Variants in MAPKAPK2 observed in about 807,000 individuals in gnomAD.
MAPKAPK2 encodes the protein MAP kinase-activated protein kinase 2.
Under a neutral mutation model 48.8 loss-of-function variants are expected in MAPKAPK2, and 9 were observed. The observed-to-expected ratio is 0.18, with a 90% CI of 0.11 to 0.32. The LOEUF (loss-of-function observed/expected upper bound fraction) is 0.32, where lower values mean the gene tolerates loss of function less well. Ranked by LOEUF, MAPKAPK2 falls within the 10% of genes least tolerant of loss-of-function variation. The pLI is 1.00. For synonymous variants in MAPKAPK2, 202 were observed against 190.6 expected (o/e 1.06, Z -0.49); for missense variants, 331 against 498.3 (o/e 0.66, Z 3.20).
Position 206,685,310 on chromosome 1 carries a change from CCTG to C in MAPKAPK2, c.83_85del (p.Leu28del). 8.4e-7 allele frequency: 1 copy of C among 1,186,462 alleles called. No individual in the cohort carries two copies. The highest frequency in any genetic ancestry group is 1.1e-6 in the Non-Finnish European group (1 of 875,268). 73.5% of individuals were successfully genotyped at this position (1,186,462 alleles called of 1,614,324 possible). ...CGCCGCCGCAGCCCCCCACCCCTGC[CCTG>C]CCGCACCCCCCGGCGCAGCCGCCGC... On this transcript the variant is annotated inframe_deletion, in exon 1 of 10. Coordinates refer to ENST00000367103, the MANE Select transcript of MAPKAPK2 (RefSeq NM_032960.4).
Position 206,731,015 on chromosome 1 carries a change from A to T in MAPKAPK2, c.768-123A>T. 7.3e-7 allele frequency: 1 copy of T among 1,368,724 alleles called. No individual in the cohort carries two copies. Among genetic ancestry groups the T allele is most frequent in the Non-Finnish European group, 1.0e-6 (1 of 968,680 alleles). The allele number at this position is 1,368,724 out of a possible 1,614,324, so 84.8% of individuals were successfully genotyped here. A position where few individuals can be genotyped will look rare whatever the true frequency, so the allele number is the denominator to read the frequency against. On this transcript the variant is annotated intron_variant, in intron 6 of 9. Transcript: ENST00000367103. This position sits in a 1 kb window ranked among gnomAD's most constrained non-coding sequence, Gnocchi z 5.9. ...TGACTTTGTATATTGTGCCTGTGTC[A>T]ATAAGCCCTGATTTCTCTGTGACCT...
Position 206,731,111 on chromosome 1 carries a change from C to T in MAPKAPK2, c.768-27C>T. 1.9e-6 allele frequency: 3 copies of T among 1,614,158 alleles called. No individual in the cohort carries two copies. In the South Asian group the frequency reaches 3.3e-5, roughly 18 times the overall value. The stretch of plus-strand genomic sequence containing the variant: ...CCACTAAGTGACAGCTGTTCTGTCT[C>T]CCACTTCCTTCCTCCTGTTGATGCA... On this transcript the variant is annotated intron_variant, in intron 6 of 9. Coordinates refer to ENST00000367103, the MANE Select transcript of MAPKAPK2 (RefSeq NM_032960.4). The surrounding 1 kb of genome is among the most constrained non-coding windows in gnomAD (Gnocchi z 5.9).
chr1:206,729,595 C>G (rs1673831850), intron 4 of MAPKAPK2, 120 bp downstream of exon 4: 1 of 863,568 alleles, frequency 1.2e-6, no homozygotes, highest in Non-Finnish European at 1.9e-6. Context: ...CTGAGCATGC[C>G]ATTCTCTGCC....
chr1:206,686,982 A>G (rs1672305107), intron 1 of MAPKAPK2, among the ~76,000 whole-genome samples: 1 of 152,168 alleles, frequency 6.6e-6, no homozygotes, highest in African/African-American at 2.4e-5. Context: ...ACTGAAGGGA[A>G]AGGAGGAGGA....
chr1:206,708,969 A>C (rs996403993), intron 1 of MAPKAPK2, among the ~76,000 whole-genome samples: 8 of 152,140 alleles, frequency 5.3e-5, no homozygotes, highest in Non-Finnish European at 1.0e-4. Flanking sequence ...GATATGATAA[A>C]ATTTGCTTCT....
intron 1 of MAPKAPK2, among the ~76,000 whole-genome samples, chr1:206,716,971 A>G (rs1363809976): frequency 2.6e-5 from 4 of 152,080 alleles, no homozygotes; most frequent in African/African-American, 4.8e-5. Flanking sequence ...TGCCCATTTA[A>G]TTGGTAAGTG....
At chr1:206,694,096 G>A (rs149462318) in intron 1 of MAPKAPK2, among the ~76,000 whole-genome samples, 2 of 152,360 alleles carry the variant, frequency 1.3e-5, no homozygotes, top group African/African-American at 2.4e-5. Context: ...TAGATACTGG[G>A]CAGAGTCTGA....
chr1:206,711,938 A>G (rs192962040), intron 1 of MAPKAPK2, among the ~76,000 whole-genome samples: 1 of 152,274 alleles, frequency 6.6e-6, no homozygotes, highest in Admixed American at 6.5e-5. Context: ...GTCTATTAAC[A>G]GCTGTTTAGT....
chr1:206,722,543 A>T (rs1445795466), intron 1 of MAPKAPK2, among the ~76,000 whole-genome samples: 2 of 152,228 alleles, frequency 1.3e-5, no homozygotes, highest in African/African-American at 4.8e-5. Context: ...AGCTAAAGAA[A>T]ATAAGCATCG....
At chr1:206,687,620 A>G (rs527275414) in intron 1 of MAPKAPK2, among the ~76,000 whole-genome samples, 3 of 152,378 alleles carry the variant, frequency 2.0e-5, no homozygotes, top group African/African-American at 7.2e-5. Context: ...TGGCTGAGAC[A>G]TAATTACAGC....
rs1673971440 is a variant in MAPKAPK2 at position 206,732,858 on chromosome 1, G to A, written c.*140G>A. The A allele has an allele frequency of 2.9e-6, 3 of 1,047,086 alleles. No individual in the cohort carries two copies. Among genetic ancestry groups the A allele is most frequent in the Admixed American group, 5.5e-5 (2 of 36,182 alleles). 64.9% of individuals were successfully genotyped at this position (1,047,086 alleles called of 1,614,324 possible). The stretch of plus-strand genomic sequence containing the variant: ...GGAGCCTGGAACTGCATCAGTGACT[G>A]AATTCTGCCTTGGTTCTGGCCACCC... On this transcript the variant is annotated 3_prime_UTR_variant, in exon 10 of 10. Coordinates refer to ENST00000367103, the MANE Select transcript of MAPKAPK2 (RefSeq NM_032960.4). The surrounding 1 kb of genome is among the most constrained non-coding windows in gnomAD (Gnocchi z 4.4).
At chr1:206,717,304 T>C (rs2102403305) in intron 1 of MAPKAPK2, among the ~76,000 whole-genome samples, 1 of 152,308 alleles carries the variant, frequency 6.6e-6, no homozygotes. Flanking sequence ...CTAGGAAGCT[T>C]AAATATAGCA....
In MAPKAPK2 at chr1:206,685,171, A is replaced by G. The variant is rs1453326964; in HGVS notation, c.-59A>G. On this transcript the variant is annotated 5_prime_UTR_variant, in exon 1 of 10. Coordinates refer to ENST00000367103, the MANE Select transcript of MAPKAPK2 (RefSeq NM_032960.4). ...GGGGGGCGGCGGGGAGGGGGCCCGG[A>G]GCCGGAGGAGGGGGCGGCCGCGGGC... is the stretch of plus-strand genomic sequence containing the variant. The G allele has an allele frequency of 8.3e-6, 2 of 241,638 alleles. No homozygotes were observed. The highest frequency in any genetic ancestry group is 5.7e-5 in the Admixed American group (1 of 17,398). The allele number at this position is 241,638 out of a possible 1,614,324, so 15.0% of individuals were successfully genotyped here.
chr1:206,697,898 A>G (rs1572483956), intron 1 of MAPKAPK2, among the ~76,000 whole-genome samples: 1 of 152,280 alleles, frequency 6.6e-6, no homozygotes, highest in Admixed American at 6.5e-5. Context: ...AGCAAGTCCT[A>G]GGACCTGTCT....
intron 1 of MAPKAPK2, among the ~76,000 whole-genome samples, chr1:206,709,231 G>C (rs1673061505): frequency 6.6e-6 from 1 of 152,148 alleles, no homozygotes; most frequent in Non-Finnish European, 1.5e-5. Flanking sequence ...CAGTCCCTCA[G>C]TTGCTCCTTC....
rs138882413 is a variant in MAPKAPK2, at chr1:206,731,841, A to G, written c.981A>G (p.Gln327=). Residue 327 remains glutamine, a splice_region_variant and synonymous_variant, in exon 9 of 10, where the codon CAA becomes CAG. Coordinates refer to ENST00000367103, the MANE Select transcript of MAPKAPK2 (RefSeq NM_032960.4). The surrounding 1 kb of genome is among the most constrained non-coding windows in gnomAD (Gnocchi z 5.9). The part of the protein sequence containing the change: ...TEFMNHPWIM[Q]STKVPQTPLH... ...GGACCCCTTTTCTCTCTTCTCAGCA[A>G]TCAACAAAGGTCCCTCAAACCCCAC... The G allele has an allele frequency of 7.0e-4, 1,123 of 1,614,062 alleles. 3 individuals are homozygous for G. The highest frequency in any genetic ancestry group is 8.8e-4 in the Non-Finnish European group (1,038 of 1,179,982).
Position 206,730,046 on chromosome 1 carries a change from A to G in MAPKAPK2, c.639A>G (p.Glu213=). 1.2e-6 allele frequency: 2 copies of G among 1,614,124 alleles called. No individual in the cohort carries two copies. Among genetic ancestry groups the G allele is most frequent in the East Asian group, 2.2e-5 (1 of 44,900 alleles). Residue 213 remains glutamate, a synonymous_variant, in exon 5 of 10, where the codon GAA becomes GAG. Transcript: ENST00000367103. ...LKLTDFGFAK[E]TTSHNSLTTP... ...TCACTGACTTTGGCTTTGCCAAGGA[A>G]ACCACCAGCCACAACTCTTTGACCA... is the stretch of plus-strand genomic sequence containing the variant.
At chr1:206,728,622 T>C (rs1416142283) in intron 1 of MAPKAPK2, 88 bp from the exon 2 acceptor site, 1 of 1,477,342 alleles carries the variant, frequency 6.8e-7, no homozygotes, top group Non-Finnish European at 9.2e-7. Flanking sequence ...TTGTGGTATG[T>C]CGGTGGCGAT....
rs1405740693 is a variant in MAPKAPK2, at chr1:206,731,299, C to T, written c.892+37C>T. The T allele has an allele frequency of 2.6e-6, 4 of 1,561,570 alleles. No individual in the cohort carries two copies. The African/African-American group carries it at 4.1e-5, about 16-fold the overall frequency. On this transcript the variant is annotated intron_variant, in intron 7 of 9. Transcript: ENST00000367103. This position sits in a 1 kb window ranked among gnomAD's most constrained non-coding sequence, Gnocchi z 5.9. ...GGCTTTCAGGACAAGGGGAAGAGCC[C>T]GTGTGTGTGTGTGTGTGTGTATGTG...
Sources: gnomAD v4.1 joint callset for allele counts (sites outside exome capture counted in the v4.1 genomes callset) on GRCh38, gnomAD v4.1.1 for gene constraint, Gnocchi (gnomAD v3.1) non-coding constraint, MANE v1.5 for transcripts, NCBI Gene and HGNC (gene_info 2026-07-23, HGNC 2026-07-21) for gene names.